Variants in ELAVL2 observed in about 807,000 individuals in gnomAD.
The protein encoded by ELAVL2 is ELAV-like protein 2.
In ELAVL2, 4 loss-of-function variants were observed where a neutral mutation model predicts 34.6. That is an observed-to-expected ratio of 0.12 (90% confidence interval 0.06 to 0.26). ELAVL2 has a LOEUF of 0.26. ELAVL2 is among the 10% of genes least tolerant of loss of function. ELAVL2 has a pLI of 1.00. For synonymous variants in ELAVL2, 193 were observed against 154.8 expected (o/e 1.25, Z -1.83); for missense variants, 432 against 442.8 (o/e 0.98, Z 0.22).
At chr9:23,783,310 AC>A (rs757158232) in intron 1 of ELAVL2, among the ~76,000 whole-genome samples, 41 of 152,212 alleles carry the variant, frequency 2.7e-4, no homozygotes, top group Admixed American at 7.8e-4. Context: ...AGGTGCCAAG[AC>A]TGGAAGACAG....
intron 2 of ELAVL2, among the ~76,000 whole-genome samples, chr9:23,734,818 A>G (rs907710188): frequency 1.3e-5 from 2 of 151,998 alleles, no homozygotes; most frequent in African/African-American, 4.8e-5. Context: ...CAAGGCAAAC[A>G]TTACAAAAAA....
In ELAVL2 at chr9:23,691,405, C is replaced by G. The variant is rs539980098; in HGVS notation, c.*1152G>C. 1 of 152,542 alleles carries G rather than the reference C, an allele frequency of 6.6e-6. No individual in the cohort carries two copies. The highest frequency in any genetic ancestry group is 2.1e-4 in the South Asian group (1 of 4,822). 9.4% of individuals were successfully genotyped at this position (152,542 alleles called of 1,614,324 possible). ...TTTGCTGATTTGCTGCAGTACAAAT[C>G]ATGTGCAACGTCTTTTTTCCTTAAG... is the stretch of plus-strand genomic sequence containing the variant. On this transcript the variant is annotated 3_prime_UTR_variant, in exon 7 of 7. Transcript: ENST00000397312.
chr9:23,738,542 T>G (rs1384011483), intron 2 of ELAVL2, among the ~76,000 whole-genome samples: 1 of 152,152 alleles, frequency 6.6e-6, no homozygotes, highest in Non-Finnish European at 1.5e-5. Context: ...TACCAGGGAT[T>G]ATCACAAGGA....
chr9:23,829,020 C>A (rs1014393479), upstream of ELAVL2, among the ~76,000 whole-genome samples: 7 of 152,194 alleles, frequency 4.6e-5, no homozygotes, highest in Non-Finnish European at 8.8e-5. Flanking sequence ...CAATCAACCC[C>A]TTTTCACTCA....
intron 1 of ELAVL2, among the ~76,000 whole-genome samples, chr9:23,813,370 A>AAC (rs1231958211): frequency 2.0e-5 from 3 of 151,674 alleles, no homozygotes; most frequent in Non-Finnish European, 2.9e-5. Context: ...GGAGAGAAAT[A>AAC]ACACACACAC....
intron 1 of ELAVL2, among the ~76,000 whole-genome samples, chr9:23,814,764 CTCACCTGCCATA>C (rs1418182072): frequency 1.3e-5 from 2 of 152,130 alleles, no homozygotes; most frequent in Non-Finnish European, 2.9e-5. Context: ...GGATGACCCC[CTCACCTGCCATA>C]TCACCTCCAA....
At chr9:23,777,331 A>G (rs1472062876) in intron 1 of ELAVL2, among the ~76,000 whole-genome samples, 1 of 152,110 alleles carries the variant, frequency 6.6e-6, no homozygotes, top group Non-Finnish European at 1.5e-5. Context: ...TTCTTCTGTG[A>G]AGAGTGTAGA....
At chr9:23,775,777 C>G (rs1327330864) in intron 1 of ELAVL2, among the ~76,000 whole-genome samples, 1 of 152,122 alleles carries the variant, frequency 6.6e-6, no homozygotes, top group Admixed American at 6.5e-5. Flanking sequence ...CTTCCCACTC[C>G]CAGTGTTTTC....
At chr9:23,760,759 T>G (rs189900605) in intron 2 of ELAVL2, among the ~76,000 whole-genome samples, 1 of 152,068 alleles carries the variant, frequency 6.6e-6, no homozygotes, top group Non-Finnish European at 1.5e-5. Context: ...TATGGATCAA[T>G]GACAATCAGT....
chr9:23,768,837 T>A (rs962017552), intron 1 of ELAVL2, among the ~76,000 whole-genome samples: 1 of 152,056 alleles, frequency 6.6e-6, no homozygotes, highest in Non-Finnish European at 1.5e-5. Context: ...ATTAAACAGA[T>A]CTTGAAGAAG....
chr9:23,693,026 T>C, intron 6 of ELAVL2, 142 bp from the exon 7 acceptor site: 1 of 786,586 alleles, frequency 1.3e-6, no homozygotes. Context: ...TATTTCATGT[T>C]TTGACCAAGG....
chr9:23,700,722 C>T (rs1285925947), intron 5 of ELAVL2, among the ~76,000 whole-genome samples: 1 of 152,134 alleles, frequency 6.6e-6, no homozygotes, highest in Non-Finnish European at 1.5e-5. Flanking sequence ...AGTCTGCCAA[C>T]CTGTTTGTAA....
intron 3 of ELAVL2, among the ~76,000 whole-genome samples, chr9:23,706,938 T>C (rs2133439086): frequency 6.6e-6 from 1 of 152,304 alleles, no homozygotes; most frequent in Admixed American, 6.5e-5. Flanking sequence ...GGTGTTAACA[T>C]TTAATACTCT....
intron 1 of ELAVL2, among the ~76,000 whole-genome samples, chr9:23,801,238 G>T (rs1435885090): frequency 3.3e-5 from 5 of 152,084 alleles, no homozygotes; most frequent in Non-Finnish European, 7.4e-5. Flanking sequence ...ACTGGAAATA[G>T]GCTCAATATG....
chr9:23,754,721 C>G (rs1265215153), intron 2 of ELAVL2, among the ~76,000 whole-genome samples: 1 of 152,158 alleles, frequency 6.6e-6, no homozygotes, highest in Non-Finnish European at 1.5e-5. Context: ...CATTGGCCTT[C>G]CAAAGTGCTG....
chr9:23,759,778 A>ATATATAT (rs1554720120), intron 2 of ELAVL2, among the ~76,000 whole-genome samples: 1 of 138,880 alleles, frequency 7.2e-6, no homozygotes, highest in Non-Finnish European at 1.6e-5. Flanking sequence ...ATATATATAT[A>ATATATAT]TATATATATA....
chr9:23,767,702 G>A (rs912776838), intron 1 of ELAVL2, among the ~76,000 whole-genome samples: 6 of 152,156 alleles, frequency 3.9e-5, no homozygotes, highest in Non-Finnish European at 8.8e-5. Flanking sequence ...GAACCCAGGA[G>A]GGGGAGGTTG....
At chr9:23,828,548 A>G (rs2065401048), upstream of ELAVL2, among the ~76,000 whole-genome samples, 1 of 152,212 alleles carries the variant, frequency 6.6e-6, no homozygotes. Flanking sequence ...TATTATGTAA[A>G]GAAATTACAT....
intron 1 of ELAVL2, among the ~76,000 whole-genome samples, chr9:23,786,538 G>A (rs969817637): frequency 3.3e-5 from 5 of 151,994 alleles, no homozygotes; most frequent in Non-Finnish European, 5.9e-5. Flanking sequence ...CAATAAAAAT[G>A]TACCTATTAA....
Sources: gnomAD v4.1 joint callset for allele counts (sites outside exome capture counted in the v4.1 genomes callset) on GRCh38, gnomAD v4.1.1 for gene constraint, MANE v1.5 for transcripts, NCBI Gene and HGNC (gene_info 2026-07-23, HGNC 2026-07-21) for gene names.